The following GPR137C variants were observed in gnomAD, a reference collection of about 807,000 sequenced individuals.
GPR137C encodes the protein integral membrane protein GPR137C.
A neutral mutation model predicts 43.4 loss-of-function variants in GPR137C; 27 were observed. The ratio of observed to expected loss-of-function variants is 0.62; its 90% confidence interval spans 0.46 to 0.86. The LOEUF (loss-of-function observed/expected upper bound fraction) is 0.86, where lower values mean the gene tolerates loss of function less well. GPR137C is among the 40% of genes least tolerant of loss of function. The pLI is 0.00. For missense variants in GPR137C, 522 were observed against 534.6 expected (o/e 0.98, Z 0.23); for synonymous variants, 285 against 226.9 (o/e 1.26, Z -2.30).
rs1229591536 is a variant in GPR137C, at chr14:52,634,975, A to G, written c.1150A>G (p.Met384Val). 4 of 1,612,534 alleles carry G rather than the reference A, an allele frequency of 2.5e-6. No individual in the cohort carries two copies. Among genetic ancestry groups the G allele is most frequent in the Non-Finnish European group, 2.5e-6 (3 of 1,179,332 alleles). ...GCAAAGTTTGGGCTGGTATGGCACC[A>G]TGACTGGGTGTGGCAGCAGCAGTTA... ...NSQSLGWYGT[M>V]TGCGSSSYTV... The change falls in exon 7 of 7, where the codon ATG becomes GTG. Residue 384 changes from methionine (M) to valine (V), a missense_variant. Transcript: ENST00000321662.
At chr14:52,595,661 G>A (rs943580708) in intron 1 of GPR137C, among the ~76,000 whole-genome samples, 1 of 152,128 alleles carries the variant, frequency 6.6e-6, no homozygotes, top group African/African-American at 2.4e-5. Context: ...ATGGTTTTCA[G>A]CTCCATCAGG....
chr14:52,561,233 C>G (rs1422945732), intron 1 of GPR137C, among the ~76,000 whole-genome samples: 1 of 152,218 alleles, frequency 6.6e-6, no homozygotes, highest in Non-Finnish European at 1.5e-5. Context: ...AACTCCTACA[C>G]TGATGATAGG....
intron 1 of GPR137C, among the ~76,000 whole-genome samples, chr14:52,584,630 T>G (rs2038689413): frequency 6.6e-6 from 1 of 152,124 alleles, no homozygotes; most frequent in Non-Finnish European, 1.5e-5. Flanking sequence ...TCTGACAACT[T>G]TCACAGGATC....
At chr14:52,578,970 T>A (rs1471410233) in intron 1 of GPR137C, among the ~76,000 whole-genome samples, 1 of 151,642 alleles carries the variant, frequency 6.6e-6, no homozygotes, top group African/African-American at 2.4e-5. Flanking sequence ...GAATGGAAAC[T>A]CTGAGCTTAT....
chr14:52,582,229 T>C (rs986160877), intron 1 of GPR137C, among the ~76,000 whole-genome samples: 2 of 152,122 alleles, frequency 1.3e-5, no homozygotes, highest in African/African-American at 4.8e-5. Context: ...ATCTCTCTTA[T>C]AAGGATACTA....
intron 1 of GPR137C, among the ~76,000 whole-genome samples, chr14:52,559,763 G>A (rs1292956938): frequency 6.6e-6 from 1 of 152,098 alleles, no homozygotes; most frequent in Non-Finnish European, 1.5e-5. Context: ...CAATTTCTTA[G>A]GTCAAAAATC....
rs371410107 is a variant in GPR137C, at chr14:52,633,605, G to T, written c.943G>T (p.Ala315Ser). 12 of 1,612,998 alleles carry T rather than the reference G, an allele frequency of 7.4e-6. No homozygotes were observed. The highest frequency in any genetic ancestry group is 1.3e-5 in the African/African-American group (1 of 74,888). The change falls in exon 5 of 7, where the codon GCA becomes TCA. Residue 315 changes from alanine (A) to serine (S), a missense_variant. Around this residue, in one of 3 missense-constraint regions of GPR137C, gnomAD observed 437 missense variants for 425.7 expected, o/e 1.03. Transcript: ENST00000321662. The stretch of plus-strand genomic sequence containing the variant: ...CCTCTTTCTGTGGGAACATGTGCCA[G>T]CATGGTCGGTGGTACTGTTTTTCCG... ...MVLFLWEHVP[A>S]WSVVLFFRAQ...
At chr14:52,571,489 A>C (rs1487070170) in intron 1 of GPR137C, among the ~76,000 whole-genome samples, 1 of 152,164 alleles carries the variant, frequency 6.6e-6, no homozygotes, top group Admixed American at 6.6e-5. Context: ...CCTGGCCAAC[A>C]TAGTGAAACC....
intron 1 of GPR137C, among the ~76,000 whole-genome samples, chr14:52,597,396 G>A (rs2038869446): frequency 6.6e-6 from 1 of 152,170 alleles, no homozygotes; most frequent in Admixed American, 6.5e-5. Context: ...ATGTTTAAAT[G>A]AAATCAGTGA....
intron 1 of GPR137C, among the ~76,000 whole-genome samples, chr14:52,562,579 C>T (rs2038302652): frequency 1.3e-5 from 2 of 152,056 alleles, no homozygotes; most frequent in Admixed American, 1.3e-4. Context: ...GGCAATGTAT[C>T]GAGACCCTGT....
chr14:52,599,561 A>G (rs543421864), intron 2 of GPR137C, among the ~76,000 whole-genome samples: 1 of 151,664 alleles, frequency 6.6e-6, no homozygotes, highest in Admixed American at 6.6e-5. Context: ...AGCCTCCTGA[A>G]TAGCTGGGAC....
chr14:52,566,328 C>G (rs1296986504), intron 1 of GPR137C, among the ~76,000 whole-genome samples: 3 of 152,216 alleles, frequency 2.0e-5, no homozygotes, highest in Admixed American at 6.5e-5. Context: ...TTTGTACTCT[C>G]CTCAGCTACT....
chr14:52,596,210 C>G (rs976334767), intron 1 of GPR137C, among the ~76,000 whole-genome samples: 5 of 152,084 alleles, frequency 3.3e-5, no homozygotes, highest in African/African-American at 9.7e-5. Flanking sequence ...CCCAGAGGGG[C>G]ACCCGCCTGT....
At chr14:52,604,589 G>A (rs2038963483) in intron 3 of GPR137C, among the ~76,000 whole-genome samples, 2 of 152,096 alleles carry the variant, frequency 1.3e-5, no homozygotes, top group East Asian at 1.9e-4. Context: ...GGAATTACAG[G>A]TGCTCACCAC....
At chr14:52,568,621 C>T (rs923361379) in intron 1 of GPR137C, among the ~76,000 whole-genome samples, 3 of 152,118 alleles carry the variant, frequency 2.0e-5, no homozygotes, top group African/African-American at 7.2e-5. Context: ...AGGGGGCATC[C>T]GCAATTACTG....
intron 6 of GPR137C, among the ~76,000 whole-genome samples, chr14:52,634,373 C>A (rs1440988536): frequency 6.6e-6 from 1 of 152,070 alleles, no homozygotes; most frequent in East Asian, 1.9e-4. Flanking sequence ...TGTTACAAAA[C>A]CATTTCAAGT....
intron 1 of GPR137C, among the ~76,000 whole-genome samples, chr14:52,594,647 T>C (rs149767243): frequency 1.3e-5 from 2 of 152,290 alleles, no homozygotes; most frequent in African/African-American, 4.8e-5. Context: ...AACCCCTGCT[T>C]TTTTTTGCTT....
chr14:52,583,244 A>T (rs1286365666), intron 1 of GPR137C, among the ~76,000 whole-genome samples: 1 of 152,236 alleles, frequency 6.6e-6, no homozygotes, highest in East Asian at 1.9e-4. Flanking sequence ...TATCTTAACA[A>T]ATGATATATA....
intron 1 of GPR137C, among the ~76,000 whole-genome samples, chr14:52,557,096 G>C (rs957193658): frequency 1.3e-5 from 2 of 152,010 alleles, no homozygotes; most frequent in Non-Finnish European, 2.9e-5. Flanking sequence ...ATTTTGTTCT[G>C]TTCTTTGATT....
Sources: allele counts gnomAD v4.1 joint callset (sites outside exome capture counted in the v4.1 genomes callset), GRCh38; gene constraint gnomAD v4.1.1; regional missense constraint gnomAD v4.1.1; transcripts MANE v1.5; gene names NCBI Gene and HGNC (gene_info 2026-07-23, HGNC 2026-07-21).